Variants in CSMD3 observed in about 807,000 individuals in gnomAD.
The protein encoded by CSMD3 is CUB and Sushi multiple domains 3, also known as CUB and sushi domain-containing protein 3.
Under a neutral mutation model 435.2 loss-of-function variants are expected in CSMD3, and 177 were observed. That is an observed-to-expected ratio of 0.41 (90% CI 0.36 to 0.46). The LOEUF (loss-of-function observed/expected upper bound fraction) is 0.46, where lower values mean the gene tolerates loss of function less well. Ranked by LOEUF, CSMD3 falls within the 20% of genes least tolerant of loss-of-function variation. CSMD3 has a pLI of 0.34. For synonymous variants in CSMD3, 1,656 were observed against 1,520.5 expected, an observed-to-expected ratio of 1.09 and a Z score of -2.07; for missense variants, 4,265 against 4,504.6, an observed-to-expected ratio of 0.95 and a Z score of 1.52.
chr8:112,759,541 T>G (rs1034965165), intron 13 of CSMD3, among the ~76,000 whole-genome samples: 1 of 152,086 alleles, frequency 6.6e-6, no homozygotes, highest in Non-Finnish European at 1.5e-5. Flanking sequence ...TTCTATTTGG[T>G]TCTTACTACA....
In CSMD3 at chr8:113,286,963, GGA is replaced by G. The variant is rs142894344; in HGVS notation, c.402-8261_402-8260del. On this transcript the variant is annotated intron_variant, in intron 2 of 70. Coordinates refer to ENST00000297405, the MANE Select transcript of CSMD3 (RefSeq NM_198123.2). ...ACTGATGAAGAAAGAAATAGGAAGAGGAGAGAGAGAGAGAGATTTATTTAAAA... is the reference window on the plus strand; with the variant it reads ...ACTGATGAAGAAAGAAATAGGAAGAGGAGAGAGAGAGAGATTTATTTAAAA... Among the ~76,000 whole-genome samples, 27 of 150,962 alleles carry G rather than the reference GGA, an allele frequency of 1.8e-4. No individual in the cohort carries two copies. In the South Asian group the frequency reaches 1.9e-3, roughly 11 times the overall value.
intron 35 of CSMD3, among the ~76,000 whole-genome samples, chr8:112,397,219 A>G (rs971328298): frequency 6.6e-6 from 1 of 152,208 alleles, no homozygotes; most frequent in Non-Finnish European, 1.5e-5. Context: ...TAGTAGTTGC[A>G]CCAAATGGTA....
At chr8:113,084,914 A>T (rs1456755498) in intron 5 of CSMD3, among the ~76,000 whole-genome samples, 4 of 152,084 alleles carry the variant, frequency 2.6e-5, no homozygotes, top group African/African-American at 4.8e-5. Flanking sequence ...ATTCATATGC[A>T]GAAGAATATA....
At chr8:113,117,480 G>T (rs755345446) in intron 4 of CSMD3, among the ~76,000 whole-genome samples, 3 of 152,338 alleles carry the variant, frequency 2.0e-5, no homozygotes, top group South Asian at 2.1e-4. Flanking sequence ...CCCTCATAAA[G>T]AATCTCTGCT....
chr8:112,563,274 T>A (rs1020262530), intron 24 of CSMD3, among the ~76,000 whole-genome samples: 12 of 151,936 alleles, frequency 7.9e-5, no homozygotes, highest in Admixed American at 7.2e-4. Flanking sequence ...GCTACAACTT[T>A]AGAAGAATGC....
At chr8:113,138,164 C>T (rs888789100) in intron 4 of CSMD3, among the ~76,000 whole-genome samples, 8 of 151,184 alleles carry the variant, frequency 5.3e-5, no homozygotes, top group Non-Finnish European at 7.4e-5. Context: ...CTCAATTTAC[C>T]GTAATTATTA....
intron 3 of CSMD3, among the ~76,000 whole-genome samples, chr8:113,181,515 T>C (rs1278830574): frequency 6.6e-6 from 1 of 152,052 alleles, no homozygotes; most frequent in Non-Finnish European, 1.5e-5. Context: ...GAATAAGAGG[T>C]AATGCCCATT....
At chr8:112,495,578 T>C (rs2130874166) in intron 30 of CSMD3, among the ~76,000 whole-genome samples, 1 of 152,340 alleles carries the variant, frequency 6.6e-6, no homozygotes, top group Middle Eastern at 3.4e-3. Context: ...CTATGAATAA[T>C]ACTGTCTTTA....
chr8:113,221,991 G>A lies in CSMD3; in HGVS notation c.515-48075C>T, dbSNP rs951261857. 7.3e-5 allele frequency among the ~76,000 whole-genome samples: 11 copies of A among 149,894 alleles called. 1 individual carries two copies. Among genetic ancestry groups the A allele is most frequent in the Admixed American group, 4.0e-4 (6 of 14,940 alleles). ...TCCCGGAACAACGCAGACACTCAAT[G>A]CGCATTTGTTGACAAAGCAGTAAAT... On this transcript the variant is annotated intron_variant, in intron 3 of 70. Coordinates refer to ENST00000297405, the MANE Select transcript of CSMD3 (RefSeq NM_198123.2).
intron 11 of CSMD3, among the ~76,000 whole-genome samples, chr8:112,830,777 A>T (rs1172611090): frequency 6.6e-6 from 1 of 150,498 alleles, no homozygotes; most frequent in African/African-American, 2.4e-5. Context: ...TTTTTTTGTT[A>T]TAATAACAAT....
At chr8:112,607,660 G>C (rs1466303689) in intron 22 of CSMD3, among the ~76,000 whole-genome samples, 1 of 152,104 alleles carries the variant, frequency 6.6e-6, no homozygotes, top group Non-Finnish European at 1.5e-5. Context: ...TCAGTTTACT[G>C]TACAGATACT....
At chr8:113,352,828 T>A (rs2132924151) in intron 1 of CSMD3, among the ~76,000 whole-genome samples, 1 of 152,248 alleles carries the variant, frequency 6.6e-6, no homozygotes, top group Middle Eastern at 3.4e-3. Context: ...ATCACATAGG[T>A]CTTTGTACAG....
At chr8:113,376,651 C>A (rs1161211692) in intron 1 of CSMD3, 1 of 1,472,576 alleles carries the variant, frequency 6.8e-7, no homozygotes, top group Non-Finnish European at 9.5e-7. Context: ...CAGACCTGGC[C>A]AGGCAGGAGG....
rs186140240 is a variant in CSMD3 at position 112,945,662 on chromosome 8, A to G, written c.1508+2128T>C. ...AGTTTTAAATGTTGTCTCCATTAAA[A>G]AAAACAATGTATTTAAAACAAAACA... On this transcript the variant is annotated intron_variant, in intron 9 of 70. Transcript: ENST00000297405. 1.5e-3 allele frequency among the ~76,000 whole-genome samples: 231 copies of G among 151,258 alleles called. 2 individuals carry two copies. Among genetic ancestry groups the G allele is most frequent in the Middle Eastern group, 0.01 (3 of 294 alleles).
intron 67 of CSMD3, 28 bp from the exon 68 acceptor site, chr8:112,234,505 A>G (rs1259400061): frequency 1.6e-6 from 2 of 1,244,020 alleles, no homozygotes. Flanking sequence ...ATTTTAGTCT[A>G]CTTAACTTTG....
At chr8:112,576,352 CAAAAT>C (rs1256319702) in intron 23 of CSMD3, among the ~76,000 whole-genome samples, 7 of 151,698 alleles carry the variant, frequency 4.6e-5, no homozygotes, top group Non-Finnish European at 8.8e-5. Context: ...TAAAAACTAA[CAAAAT>C]AAGTCAACAT....
At chr8:112,343,301 C>T (rs914456166) in intron 41 of CSMD3, among the ~76,000 whole-genome samples, 25 of 151,904 alleles carry the variant, frequency 1.6e-4, no homozygotes, top group Non-Finnish European at 3.1e-4. Context: ...TAGTGAAAGA[C>T]GTGGAAGAGC....
At chr8:112,364,579 T>C (rs1827580838) in intron 38 of CSMD3, among the ~76,000 whole-genome samples, 1 of 152,018 alleles carries the variant, frequency 6.6e-6, no homozygotes, top group Non-Finnish European at 1.5e-5. Flanking sequence ...TCTACAAATT[T>C]AAAGAAATGA....
intron 13 of CSMD3, among the ~76,000 whole-genome samples, chr8:112,793,129 A>G (rs1283551972): frequency 6.8e-6 from 1 of 147,982 alleles, no homozygotes; most frequent in Non-Finnish European, 1.5e-5. Flanking sequence ...TTGCTAATAT[A>G]TTAATTTAAT....
Sources: allele counts gnomAD v4.1 joint callset (sites outside exome capture counted in the v4.1 genomes callset), GRCh38; gene constraint gnomAD v4.1.1; transcripts MANE v1.5; gene names NCBI Gene and HGNC (gene_info 2026-07-23, HGNC 2026-07-21).